ZFAND3: variants seen among roughly 807,000 people sequenced by gnomAD.
The protein encoded by ZFAND3 is AN1-type zinc finger protein 3.
Under a neutral mutation model 29.6 loss-of-function variants are expected in ZFAND3, and 10 were observed. The ratio of observed to expected loss-of-function variants is 0.34; its 90% confidence interval spans 0.21 to 0.57. The LOEUF (loss-of-function observed/expected upper bound fraction) is 0.57. ZFAND3 is among the 20% of genes least tolerant of loss of function. ZFAND3 has a pLI of 0.86. For missense variants in ZFAND3, 230 were observed against 304.5 expected (o/e 0.76, Z 1.82); for synonymous variants, 128 against 112.6 (o/e 1.14, Z -0.87).
intron 2 of ZFAND3, among the ~76,000 whole-genome samples, chr6:38,043,520 C>T (rs954089919): frequency 2.0e-5 from 3 of 150,306 alleles, no homozygotes; most frequent in Admixed American, 6.7e-5. Flanking sequence ...CCCTCCCTCT[C>T]TCCTTTTCTC....
intron 2 of ZFAND3, among the ~76,000 whole-genome samples, chr6:37,961,431 C>A (rs571434223): frequency 4.9e-4 from 75 of 152,338 alleles, no homozygotes; most frequent in Admixed American, 1.8e-3. Flanking sequence ...GGGGAGCTTG[C>A]TGCCCTGAAG....
intron 5 of ZFAND3, chr6:38,142,232 T>C: frequency 2.1e-6 from 1 of 471,366 alleles, no homozygotes; most frequent in Non-Finnish European, 4.4e-6. Context: ...TTGGGAAAGA[T>C]GGGGAAAATG....
chr6:37,923,907 T>C (rs1224401815), intron 1 of ZFAND3, among the ~76,000 whole-genome samples: 1 of 152,156 alleles, frequency 6.6e-6, no homozygotes, highest in East Asian at 1.9e-4. Flanking sequence ...TATAATAAAT[T>C]CTGAATTATA....
chr6:38,068,856 G>T (rs541374449), intron 3 of ZFAND3, among the ~76,000 whole-genome samples: 2 of 152,086 alleles, frequency 1.3e-5, no homozygotes, highest in Non-Finnish European at 2.9e-5. Flanking sequence ...ATTTCAGAAC[G>T]TACTCCACCT....
rs143120709 is a variant in ZFAND3, at chr6:37,908,948, T to C, written c.72-21011T>C. ...TACATTGGGAGAATGCTTTAAAAAATAATTTCATAAGTTGTGTATTAGTTG... is the reference window on the plus strand; with the variant it reads ...TACATTGGGAGAATGCTTTAAAAAACAATTTCATAAGTTGTGTATTAGTTG... On this transcript the variant is annotated intron_variant, in intron 1 of 5. Coordinates refer to ENST00000287218, the MANE Select transcript of ZFAND3 (RefSeq NM_021943.3). Among the ~76,000 whole-genome samples, 122 of 152,284 alleles carry C rather than the reference T, an allele frequency of 8.0e-4. 1 individual carries two copies. The highest frequency in any genetic ancestry group is 2.5e-3 in the African/African-American group (102 of 41,564).
chr6:38,118,262 T>C (rs1010098477), intron 5 of ZFAND3, among the ~76,000 whole-genome samples: 5 of 152,164 alleles, frequency 3.3e-5, no homozygotes, highest in Non-Finnish European at 5.9e-5. Flanking sequence ...GCAGGGACAC[T>C]GTGGATGGCT....
chr6:37,922,120 T>C (rs1761393037), intron 1 of ZFAND3, among the ~76,000 whole-genome samples: 1 of 152,136 alleles, frequency 6.6e-6, no homozygotes, highest in Non-Finnish European at 1.5e-5. Flanking sequence ...GGCAAAGATG[T>C]ATTCAAAATA....
intron 2 of ZFAND3, among the ~76,000 whole-genome samples, chr6:37,942,625 C>T (rs1761832082): frequency 6.6e-6 from 1 of 152,114 alleles, no homozygotes; most frequent in Non-Finnish European, 1.5e-5. Flanking sequence ...CTTCTACAAT[C>T]TTGTGGGAAT....
In ZFAND3 at chr6:38,061,762, G is replaced by A. The variant is rs200165240; in HGVS notation, c.282G>A (p.Pro94=). The part of the protein sequence containing the change: ...PLPTELNVTS[P]SKEECGPCTD... Reference sequence around the variant, plus strand: ...CGACAGAACTGAATGTAACTTCACCGAGTAAAGAGGAGTGTAAGTGTCTGG... The same window carrying A: ...CGACAGAACTGAATGTAACTTCACCAAGTAAAGAGGAGTGTAAGTGTCTGG... The change falls in exon 3 of 6, where the codon CCG becomes CCA. Residue 94 remains proline, a synonymous_variant. Transcript: ENST00000287218. 26 of 1,614,064 alleles carry A rather than the reference G, an allele frequency of 1.6e-5. No homozygotes were observed. The highest frequency in any genetic ancestry group is 1.3e-4 in the African/African-American group (10 of 75,038).
chr6:37,852,431 G>A (rs1764297437), intron 1 of ZFAND3, among the ~76,000 whole-genome samples: 1 of 152,146 alleles, frequency 6.6e-6, no homozygotes, highest in Admixed American at 6.5e-5. Flanking sequence ...TTGTTTGCTT[G>A]AAGATTTTTC....
At chr6:37,987,435 T>A (rs931079259) in intron 2 of ZFAND3, among the ~76,000 whole-genome samples, 1 of 152,202 alleles carries the variant, frequency 6.6e-6, no homozygotes, top group East Asian at 1.9e-4. Context: ...TATAGAAACT[T>A]TAGACCCTGG....
At chr6:38,129,236 AT>A (rs1765696684) in intron 5 of ZFAND3, among the ~76,000 whole-genome samples, 1 of 152,058 alleles carries the variant, frequency 6.6e-6, no homozygotes, top group African/African-American at 2.4e-5. Flanking sequence ...CCTTTGTCAG[AT>A]GTATAGATTG....
chr6:37,935,658 G>T (rs1761685563), intron 2 of ZFAND3, among the ~76,000 whole-genome samples: 1 of 152,170 alleles, frequency 6.6e-6, no homozygotes, highest in African/African-American at 2.4e-5. Context: ...AAAATAATGT[G>T]TAATGGGTTA....
intron 1 of ZFAND3, among the ~76,000 whole-genome samples, chr6:37,871,903 C>G (rs1342691929): frequency 1.3e-5 from 2 of 152,116 alleles, no homozygotes; most frequent in Non-Finnish European, 2.9e-5. Flanking sequence ...AAATTGAAAC[C>G]ATCTTTCCCA....
chr6:37,875,449 G>A (rs1283559215), intron 1 of ZFAND3, among the ~76,000 whole-genome samples: 1 of 151,848 alleles, frequency 6.6e-6, no homozygotes, highest in African/African-American at 2.4e-5. Context: ...ATTCATTTTT[G>A]TGAAGATCTT....
intron 2 of ZFAND3, among the ~76,000 whole-genome samples, chr6:37,974,383 ACTCTCTCT>A (rs58472302): frequency 3.8e-5 from 4 of 104,482 alleles, no homozygotes; most frequent in African/African-American, 1.5e-4. Context: ...TGCATTATAT[ACTCTCTCT>A]CTCTCTCTCT....
intron 4 of ZFAND3, among the ~76,000 whole-genome samples, chr6:38,114,226 G>A (rs1399312265): frequency 6.6e-6 from 1 of 152,198 alleles, no homozygotes; most frequent in Non-Finnish European, 1.5e-5. Flanking sequence ...ATTCTAAATA[G>A]GGTTATTGAT....
intron 2 of ZFAND3, among the ~76,000 whole-genome samples, chr6:38,053,808 T>G (rs765419991): frequency 2.0e-5 from 3 of 152,166 alleles, no homozygotes; most frequent in Non-Finnish European, 4.4e-5. Context: ...TGTAAATGAC[T>G]AGAATGGTAA....
chr6:37,958,064 C>T (rs974254804), intron 2 of ZFAND3, among the ~76,000 whole-genome samples: 3 of 151,996 alleles, frequency 2.0e-5, no homozygotes, highest in Non-Finnish European at 4.4e-5. Flanking sequence ...TATGGACAGA[C>T]AATTAGTCAT....
Sources: allele counts gnomAD v4.1 joint callset (sites outside exome capture counted in the v4.1 genomes callset), GRCh38; gene constraint gnomAD v4.1.1; transcripts MANE v1.5; gene names NCBI Gene and HGNC (gene_info 2026-07-23, HGNC 2026-07-21).